FHOD3: variants seen among roughly 807,000 people sequenced by gnomAD.
FHOD3 encodes the protein FH1/FH2 domain-containing protein 3.
A neutral mutation model predicts 173.0 loss-of-function variants in FHOD3; 90 were observed. That is an observed-to-expected ratio of 0.52 (90% confidence interval 0.44 to 0.62). The LOEUF (loss-of-function observed/expected upper bound fraction) is 0.62, where lower values mean the gene tolerates loss of function less well. Ranked by LOEUF, FHOD3 falls within the 20% of genes least tolerant of loss-of-function variation. The pLI, the probability that FHOD3 is intolerant of heterozygous loss-of-function variation, is 0.00. For missense variants in FHOD3, 1,945 were observed against 2,034.7 expected (o/e 0.96, Z 0.85); for synonymous variants, 828 against 823.0 (o/e 1.01, Z -0.10).
intron 6 of FHOD3, among the ~76,000 whole-genome samples, chr18:36,585,642 A>G (rs2059001773): frequency 6.6e-6 from 1 of 152,194 alleles, no homozygotes; most frequent in Admixed American, 6.5e-5. Context: ...CAGGGAGCTG[A>G]TTGTGGTTCC....
intron 3 of FHOD3, among the ~76,000 whole-genome samples, chr18:36,487,143 A>G (rs929524836): frequency 6.6e-6 from 1 of 152,066 alleles, no homozygotes; most frequent in African/African-American, 2.4e-5. Context: ...GTAAATTTTC[A>G]TTTTCCTTGG....
rs1048276123 is a variant in FHOD3, at chr18:36,630,173, T to A, written c.1196+4424T>A. Among the ~76,000 whole-genome samples, 9 of 152,202 alleles carry A rather than the reference T, an allele frequency of 5.9e-5. No homozygotes were observed. In the South Asian group the frequency reaches 1.9e-3, roughly 31 times the overall value. On this transcript the variant is annotated intron_variant, in intron 10 of 28. Coordinates refer to ENST00000590592, the MANE Select transcript of FHOD3 (RefSeq NM_001281740.3). The stretch of plus-strand genomic sequence containing the variant: ...TCTGTGCACCTACCTTAAATATTCA[T>A]GTGCATGGGTCAAAATTGACTCTTT...
At chr18:36,692,859 T>C in intron 16 of FHOD3, 1 of 257,038 alleles carries the variant, frequency 3.9e-6, no homozygotes. Context: ...GGGGTTTGGT[T>C]TTCAGCCATC....
intron 10 of FHOD3, among the ~76,000 whole-genome samples, chr18:36,645,517 C>T (rs1456441194): frequency 3.9e-5 from 6 of 152,134 alleles, no homozygotes; most frequent in Non-Finnish European, 7.3e-5. Context: ...CTTGTTTCTG[C>T]TAGAGGCACC....
chr18:36,732,296 A>T (rs929356719), intron 20 of FHOD3, among the ~76,000 whole-genome samples: 2 of 152,142 alleles, frequency 1.3e-5, no homozygotes, highest in African/African-American at 4.8e-5. Context: ...GGGAGAATGC[A>T]TTTCTGTTGT....
intron 19 of FHOD3, among the ~76,000 whole-genome samples, chr18:36,725,624 C>T (rs1188105008): frequency 1.3e-5 from 2 of 152,104 alleles, no homozygotes; most frequent in East Asian, 1.9e-4. Flanking sequence ...GTACTTGTGC[C>T]GTGCTGACAC....
At chr18:36,481,296 C>A (rs1568329917) in intron 3 of FHOD3, among the ~76,000 whole-genome samples, 1 of 152,024 alleles carries the variant, frequency 6.6e-6, no homozygotes, top group Non-Finnish European at 1.5e-5. Context: ...CCTTTTGGAC[C>A]AAGCTCTTCA....
chr18:36,486,656 A>C (rs1017424466), intron 3 of FHOD3, among the ~76,000 whole-genome samples: 1 of 152,248 alleles, frequency 6.6e-6, no homozygotes, highest in South Asian at 2.1e-4. Context: ...ATCCTCTAGA[A>C]TCAACCTTCC....
At chr18:36,546,188 T>C (rs1012459029) in intron 5 of FHOD3, among the ~76,000 whole-genome samples, 1 of 152,184 alleles carries the variant, frequency 6.6e-6, no homozygotes, top group African/African-American at 2.4e-5. Flanking sequence ...CCGCAGTTCA[T>C]CTTGAGATGT....
intron 14 of FHOD3, among the ~76,000 whole-genome samples, chr18:36,680,557 G>A (rs931023550): frequency 2.0e-5 from 3 of 152,006 alleles, no homozygotes; most frequent in Non-Finnish European, 4.4e-5. Context: ...TATGTCATAC[G>A]GTTACTTGAT....
In FHOD3 at chr18:36,562,605, T is replaced by A. The variant is rs1333743339; in HGVS notation, c.512-13846T>A. ...ACCAGTGCCTCCTACTTCGTACCTA[T>A]CCACAGTTCTCTGCCTCATTGGAGA... On this transcript the variant is annotated intron_variant, in intron 5 of 28. Coordinates refer to ENST00000590592, the MANE Select transcript of FHOD3 (RefSeq NM_001281740.3). Among the ~76,000 whole-genome samples, 3 of 152,174 alleles carry A rather than the reference T, an allele frequency of 2.0e-5. No homozygotes were observed. The South Asian group carries it at 6.2e-4, about 32-fold the overall frequency.
rs540497040 is a variant in FHOD3 at position 36,378,955 on chromosome 18, GA to G, written c.337+6212del. ...CCACCTCGGTCTCCCAAAGTGCTGG[GA>G]TTACAGGCATGAGCCACCGTGTCTG... On this transcript the variant is annotated intron_variant, in intron 3 of 28. Coordinates refer to ENST00000590592, the MANE Select transcript of FHOD3 (RefSeq NM_001281740.3). Among the ~76,000 whole-genome samples the G allele has an allele frequency of 2.1e-3, 322 of 152,298 alleles. 1 individual carries two copies. Among genetic ancestry groups the G allele is most frequent in the African/African-American group, 7.3e-3 (304 of 41,548 alleles).
chr18:36,440,523 C>T (rs1054639727), intron 3 of FHOD3, among the ~76,000 whole-genome samples: 5 of 152,354 alleles, frequency 3.3e-5, no homozygotes, highest in African/African-American at 7.2e-5. Flanking sequence ...GGGGCTCCTC[C>T]GGGCCTCCAC....
At chr18:36,738,784 G>C (rs4799886) in intron 20 of FHOD3, among the ~76,000 whole-genome samples, 57,664 of 152,092 alleles carry the variant, frequency 0.38, 11,476 homozygotes, top group African/African-American at 0.52. Flanking sequence ...CTGTCCCATC[G>C]ATCTAGGTGT....
chr18:36,701,860 A>G (rs1225631450), intron 17 of FHOD3, among the ~76,000 whole-genome samples: 1 of 152,190 alleles, frequency 6.6e-6, no homozygotes, highest in African/African-American at 2.4e-5. Context: ...TTGACTATAC[A>G]TGGTCAAAAT....
At chr18:36,522,244 G>C (rs1313268609) in intron 5 of FHOD3, among the ~76,000 whole-genome samples, 2 of 152,190 alleles carry the variant, frequency 1.3e-5, no homozygotes, top group Non-Finnish European at 2.9e-5. Flanking sequence ...ATAGAAGAAT[G>C]ATAGACTATC....
At position 36,607,046 on chromosome 18, in the gene FHOD3, C is replaced by T. The variant is rs145543206; in HGVS notation, c.813+4278C>T. Reference sequence around the variant, plus strand: ...AGCTTATGCCTACAGCTTTCGCGGGCTGGATTGCACACTGGTAGCTCTACA... The same window carrying T: ...AGCTTATGCCTACAGCTTTCGCGGGTTGGATTGCACACTGGTAGCTCTACA... On this transcript the variant is annotated intron_variant, in intron 8 of 28. Coordinates refer to ENST00000590592, the MANE Select transcript of FHOD3 (RefSeq NM_001281740.3). Among the ~76,000 whole-genome samples the T allele has an allele frequency of 6.8e-4, 103 of 152,268 alleles. 1 individual carries two copies. Among genetic ancestry groups the T allele is most frequent in the East Asian group, 1.5e-3 (8 of 5,166 alleles).
chr18:36,457,728 G>A (rs1478699021), intron 3 of FHOD3, among the ~76,000 whole-genome samples: 3 of 152,208 alleles, frequency 2.0e-5, no homozygotes, highest in African/African-American at 7.2e-5. Context: ...GTTGGTACCT[G>A]CTCTTTCTTG....
intron 3 of FHOD3, among the ~76,000 whole-genome samples, chr18:36,462,130 G>T (rs1204835803): frequency 6.6e-6 from 1 of 152,110 alleles, no homozygotes; most frequent in Non-Finnish European, 1.5e-5. Context: ...GAGCTGCCTT[G>T]ACTTTTCCTA....
Sources: gnomAD v4.1 joint callset for allele counts (sites outside exome capture counted in the v4.1 genomes callset) on GRCh38, gnomAD v4.1.1 for gene constraint, MANE v1.5 for transcripts, NCBI Gene and HGNC (gene_info 2026-07-23, HGNC 2026-07-21) for gene names.